FOXP2: variants seen among roughly 807,000 people sequenced by gnomAD.
FOXP2 encodes the protein forkhead box protein P2.
A neutral mutation model predicts 115.8 loss-of-function variants in FOXP2; 12 were observed. The ratio of observed to expected loss-of-function variants is 0.10; its 90% CI spans 0.07 to 0.17. FOXP2 has a LOEUF of 0.17. Among genes scored for constraint, FOXP2 ranks in the 10% least tolerant of loss-of-function variants. The pLI is 1.00. For synonymous variants in FOXP2, 328 were observed against 297.7 expected, an observed-to-expected ratio of 1.10 and a Z score of -1.05; for missense variants, 629 against 843.5, an observed-to-expected ratio of 0.75 and a Z score of 3.15.
intron 2 of FOXP2, among the ~76,000 whole-genome samples, chr7:114,327,597 G>T (rs920855642): frequency 2.0e-5 from 3 of 151,474 alleles, no homozygotes; most frequent in Non-Finnish European, 2.9e-5. Context: ...TGCCTCCCAG[G>T]TTCAAGCGAT....
intron 1 of FOXP2, chr7:114,088,389 T>A (rs1170160994): frequency 6.6e-6 from 1 of 152,260 alleles, no homozygotes; most frequent in Non-Finnish European, 1.5e-5. Context: ...CCTCCCAACA[T>A]GTCCAGAGTC....
chr7:114,506,409 C>A (rs1488367742), intron 2 of FOXP2, among the ~76,000 whole-genome samples: 1 of 151,398 alleles, frequency 6.6e-6, no homozygotes, highest in Non-Finnish European at 1.5e-5. Context: ...ACTCTTGTAT[C>A]AATTATATAA....
chr7:114,214,762 A>G (rs1194741773), intron 1 of FOXP2, among the ~76,000 whole-genome samples: 2 of 152,142 alleles, frequency 1.3e-5, no homozygotes, highest in East Asian at 1.9e-4. Context: ...CAAACTTTGC[A>G]TAACTCTGGG....
intron 2 of FOXP2, among the ~76,000 whole-genome samples, chr7:114,527,753 C>T (rs1448457649): frequency 6.6e-6 from 1 of 152,114 alleles, no homozygotes; most frequent in Non-Finnish European, 1.5e-5. Context: ...CTTTCAGTTT[C>T]TTTTGACTTA....
At chr7:114,420,398 A>G (rs772672773) in intron 1 of FOXP2, among the ~76,000 whole-genome samples, 17 of 151,904 alleles carry the variant, frequency 1.1e-4, no homozygotes, top group Admixed American at 2.0e-4. Flanking sequence ...ATTATTTCTT[A>G]TTGCCTTACA....
At chr7:114,491,506 T>C (rs942448867) in intron 2 of FOXP2, among the ~76,000 whole-genome samples, 1 of 151,856 alleles carries the variant, frequency 6.6e-6, no homozygotes, top group Non-Finnish European at 1.5e-5. Flanking sequence ...AGCTCTTTAG[T>C]TTAATTAGAT....
intron 2 of FOXP2, among the ~76,000 whole-genome samples, chr7:114,350,905 G>A (rs1791470923): frequency 6.6e-6 from 1 of 152,028 alleles, no homozygotes. Flanking sequence ...ATATAAAGTG[G>A]TGTAGTATTT....
At chr7:114,543,334 T>C (rs1048464457) in intron 3 of FOXP2, among the ~76,000 whole-genome samples, 3 of 152,090 alleles carry the variant, frequency 2.0e-5, no homozygotes, top group Admixed American at 6.5e-5. Context: ...CCCTCAACAT[T>C]CACAATGTGT....
chr7:114,108,220 G>A (rs1308623598), intron 1 of FOXP2, among the ~76,000 whole-genome samples: 1 of 151,734 alleles, frequency 6.6e-6, no homozygotes, highest in African/African-American at 2.4e-5. Flanking sequence ...TTCAGTGTTG[G>A]TCTTTTTAGA....
intron 2 of FOXP2, among the ~76,000 whole-genome samples, chr7:114,526,989 CTA>C (rs1053313702): frequency 7.0e-5 from 8 of 114,490 alleles, no homozygotes; most frequent in African/African-American, 2.7e-4. Context: ...AACCACTAAT[CTA>C]TTTTTTTTTT....
chr7:114,557,467 G>A lies in FOXP2; in HGVS notation c.258+22761G>A, dbSNP rs183672871. Among the ~76,000 whole-genome samples the A allele has an allele frequency of 4.7e-4, 71 of 151,884 alleles. No individual in the cohort carries two copies. In the East Asian group the frequency reaches 0.012, roughly 25 times the overall value. On this transcript the variant is annotated intron_variant, in intron 3 of 16. Transcript: ENST00000350908. ...GAATGCTCTAAATAGGAAAGAAAGG[G>A]GCAATATTCATGTTAAATATAATAA...
chr7:114,441,718 G>A (rs936416169), intron 2 of FOXP2, among the ~76,000 whole-genome samples: 2 of 152,094 alleles, frequency 1.3e-5, no homozygotes, highest in African/African-American at 4.8e-5. Flanking sequence ...TTTTACCAAA[G>A]AAGATATATG....
intron 1 of FOXP2, among the ~76,000 whole-genome samples, chr7:114,176,298 T>TTCTTTCTTTCTTTCTTTCTCTCTCTC (rs368923204): frequency 1.9e-3 from 144 of 76,526 alleles, no homozygotes; most frequent in African/African-American, 6.9e-3. Context: ...CTTTCTTTCT[T>TTCTTTCTTTCTTTCTTTCTCTCTCTC]TCTCTCTCTC....
intron 2 of FOXP2, among the ~76,000 whole-genome samples, chr7:114,409,117 C>T (rs1451333844): frequency 4.0e-5 from 6 of 151,828 alleles, no homozygotes; most frequent in African/African-American, 1.2e-4. Flanking sequence ...AATTTTTGAC[C>T]GTTAAATTTG....
intron 1 of FOXP2, among the ~76,000 whole-genome samples, chr7:114,102,257 A>T (rs535445263): frequency 2.0e-5 from 3 of 151,962 alleles, no homozygotes; most frequent in Non-Finnish European, 4.4e-5. Context: ...TTGGAGGATC[A>T]TTATTTTACT....
chr7:114,246,653 AGTTCTAATCATG>A (rs1209954827), intron 1 of FOXP2, among the ~76,000 whole-genome samples: 1 of 152,104 alleles, frequency 6.6e-6, no homozygotes, highest in Non-Finnish European at 1.5e-5. Context: ...TTTACAGTGT[AGTTCTAATCATG>A]GTTCTAATCA....
At chr7:114,210,853 A>T (rs1794328361) in intron 1 of FOXP2, among the ~76,000 whole-genome samples, 1 of 152,156 alleles carries the variant, frequency 6.6e-6, no homozygotes, top group Non-Finnish European at 1.5e-5. Context: ...GAGTGGCTGC[A>T]GCAGCGAGAT....
At chr7:114,317,520 C>A (rs1294100002) in intron 2 of FOXP2, among the ~76,000 whole-genome samples, 1 of 152,026 alleles carries the variant, frequency 6.6e-6, no homozygotes, top group East Asian at 2.0e-4. Flanking sequence ...TTGCTTCATA[C>A]TATCTCCACA....
intron 2 of FOXP2, among the ~76,000 whole-genome samples, chr7:114,393,402 G>T (rs1431902718): frequency 6.6e-6 from 1 of 151,960 alleles, no homozygotes; most frequent in East Asian, 1.9e-4. Context: ...CCAGAACAAT[G>T]TGTCAGAGCC....
Sources: gnomAD v4.1 joint callset for allele counts (sites outside exome capture counted in the v4.1 genomes callset) on GRCh38, gnomAD v4.1.1 for gene constraint, MANE v1.5 for transcripts, NCBI Gene and HGNC (gene_info 2026-07-23, HGNC 2026-07-21) for gene names.